Variants in CNTNAP2 observed in about 807,000 individuals in gnomAD.
The protein encoded by CNTNAP2 is contactin-associated protein-like 2.
In CNTNAP2, 98 loss-of-function variants were observed where a neutral mutation model predicts 155.2. The ratio of observed to expected loss-of-function variants is 0.63; its 90% CI spans 0.54 to 0.75. The LOEUF is 0.75. Ranked by LOEUF, CNTNAP2 falls within the 30% of genes least tolerant of loss-of-function variation. The pLI, the probability that CNTNAP2 is intolerant of heterozygous loss-of-function variation, is 0.00. For missense variants in CNTNAP2, 1,727 were observed against 1,688.1 expected (o/e 1.02, Z -0.40); for synonymous variants, 651 against 631.2 (o/e 1.03, Z -0.47).
In CNTNAP2 at chr7:146,412,150, ATGTT is replaced by A. The variant is rs202111832; in HGVS notation, c.97+295181_97+295184del. 5.4e-3 allele frequency among the ~76,000 whole-genome samples: 827 copies of A among 152,100 alleles called. 8 individuals are homozygous for A. Among genetic ancestry groups the A allele is most frequent in the African/African-American group, 0.019 (770 of 41,508 alleles). On this transcript the variant is annotated intron_variant, in intron 1 of 23. Transcript: ENST00000361727. Reference sequence around the variant, plus strand: ...GCCCGGCCAACATTGTTATTTTGAAATGTTTGTATGAGAATAGAACAAAGCAGCC... The same window carrying A: ...GCCCGGCCAACATTGTTATTTTGAAATGTATGAGAATAGAACAAAGCAGCC...
rs71188974 is a variant in CNTNAP2, at chr7:148,351,744, C to CAAAAAAAAAAAAAAAAAAAAAAAA, written c.3476-31889_3476-31888insAAAAAAAAAAAAAAAAAAAAAAAA. ...GGCAACAGAGTGAGACTCTGTCTCACAAAAAAAAAAAAAAAATAGAAACCG... is the reference window on the plus strand; with the variant it reads ...GGCAACAGAGTGAGACTCTGTCTCACAAAAAAAAAAAAAAAAAAAAAAAAAAAAAAAAAAAAAAAATAGAAACCG... On this transcript the variant is annotated intron_variant, in intron 21 of 23. Coordinates refer to ENST00000361727, the MANE Select transcript of CNTNAP2 (RefSeq NM_014141.6). 5.3e-4 allele frequency among the ~76,000 whole-genome samples: 45 copies of CAAAAAAAAAAAAAAAAAAAAAAAA among 85,370 alleles called. 1 individual carries two copies. The highest frequency in any genetic ancestry group is 7.7e-4 in the African/African-American group (15 of 19,498). 56.0% of individuals were successfully genotyped at this position (85,370 alleles called of 152,430 possible).
chr7:146,528,407 A>G (rs761497356), intron 1 of CNTNAP2, among the ~76,000 whole-genome samples: 5 of 152,210 alleles, frequency 3.3e-5, no homozygotes, highest in Non-Finnish European at 7.4e-5. Context: ...GTTAAATGAA[A>G]TAAGACGTGA....
intron 1 of CNTNAP2, among the ~76,000 whole-genome samples, chr7:146,159,256 G>A (rs2116794224): frequency 6.6e-6 from 1 of 152,278 alleles, no homozygotes; most frequent in Non-Finnish European, 1.5e-5. Context: ...AACATGGAAA[G>A]GAACAACCAG....
chr7:146,551,989 GA>G (rs907657374), intron 1 of CNTNAP2, among the ~76,000 whole-genome samples: 1 of 151,766 alleles, frequency 6.6e-6, no homozygotes, highest in African/African-American at 2.4e-5. Flanking sequence ...CTGACATAAT[GA>G]AAAAAATATA....
At chr7:148,221,443 G>A (rs117758235) in intron 19 of CNTNAP2, among the ~76,000 whole-genome samples, 6,259 of 152,204 alleles carry the variant, frequency 0.041, 189 homozygotes, top group Non-Finnish European at 0.06. Context: ...TCCAGGGCAG[G>A]CATCTCTGGA....
chr7:147,089,611 T>C (rs956160747), intron 4 of CNTNAP2, among the ~76,000 whole-genome samples: 1 of 152,212 alleles, frequency 6.6e-6, no homozygotes, highest in African/African-American at 2.4e-5. Context: ...AAGTCTTTGT[T>C]ATAAATCTAG....
chr7:146,772,903 T>C (rs1223490022), intron 1 of CNTNAP2, among the ~76,000 whole-genome samples: 1 of 152,138 alleles, frequency 6.6e-6, no homozygotes. Context: ...AAGTGTTTCT[T>C]CAGCTGCTGC....
At chr7:147,466,876 G>A (rs749328990) in intron 10 of CNTNAP2, among the ~76,000 whole-genome samples, 3 of 152,266 alleles carry the variant, frequency 2.0e-5, no homozygotes, top group Middle Eastern at 3.4e-3. Flanking sequence ...CCAAGATCAT[G>A]CCATTGCTCT....
intron 13 of CNTNAP2, among the ~76,000 whole-genome samples, chr7:147,858,187 A>C (rs1799073220): frequency 6.6e-6 from 1 of 152,172 alleles, no homozygotes; most frequent in Non-Finnish European, 1.5e-5. Flanking sequence ...TCCTGGGTGC[A>C]AGCAATTCTC....
intron 21 of CNTNAP2, among the ~76,000 whole-genome samples, chr7:148,308,558 T>TTAG (rs1563035437): frequency 7.2e-5 from 1 of 13,950 alleles, no homozygotes; most frequent in African/African-American, 1.7e-4. Flanking sequence ...TATGTATTTA[T>TTAG]TTATTTATTT....
chr7:147,426,981 G>A (rs1797387114), intron 10 of CNTNAP2, among the ~76,000 whole-genome samples: 1 of 152,086 alleles, frequency 6.6e-6, no homozygotes, highest in East Asian at 1.9e-4. Context: ...CACAGACTAG[G>A]TAATTTATAA....
chr7:147,587,858 G>A (rs1186271690), intron 12 of CNTNAP2, among the ~76,000 whole-genome samples: 1 of 152,118 alleles, frequency 6.6e-6, no homozygotes, highest in Non-Finnish European at 1.5e-5. Flanking sequence ...ATTGTTAGGG[G>A]AGAAAATTGC....
At chr7:147,683,572 C>A (rs1795977605) in intron 13 of CNTNAP2, among the ~76,000 whole-genome samples, 1 of 151,714 alleles carries the variant, frequency 6.6e-6, no homozygotes, top group African/African-American at 2.4e-5. Context: ...ACAACAATTA[C>A]CTTGTCCATA....
chr7:148,339,517 G>A (rs935290025), intron 21 of CNTNAP2: 1 of 152,174 alleles, frequency 6.6e-6, no homozygotes, highest in African/African-American at 2.4e-5. Flanking sequence ...GCCGGGACTC[G>A]GGCTGCCGGC....
At chr7:148,262,993 C>T (rs1796590821) in intron 20 of CNTNAP2, 2 of 152,280 alleles carry the variant, frequency 1.3e-5, no homozygotes, top group South Asian at 2.1e-4. Flanking sequence ...TTTAACCCAC[C>T]TTCCCCACAA....
At chr7:147,808,173 T>C (rs1242060967) in intron 13 of CNTNAP2, among the ~76,000 whole-genome samples, 2 of 152,148 alleles carry the variant, frequency 1.3e-5, no homozygotes, top group Non-Finnish European at 2.9e-5. Flanking sequence ...ATATGGCCTC[T>C]TTCTGTAGGA....
chr7:148,338,536 C>T (rs1798162517), intron 21 of CNTNAP2, among the ~76,000 whole-genome samples: 1 of 151,296 alleles, frequency 6.6e-6, no homozygotes, highest in African/African-American at 2.4e-5. Flanking sequence ...CTTATATTGC[C>T]CAGTAATTGG....
intron 11 of CNTNAP2, among the ~76,000 whole-genome samples, chr7:147,504,030 C>T (rs1189789121): frequency 6.6e-6 from 1 of 152,164 alleles, no homozygotes; most frequent in Non-Finnish European, 1.5e-5. Context: ...GGCAGAGCCA[C>T]AATTTCAAAC....
chr7:148,174,989 T>C (rs560126370), intron 18 of CNTNAP2, among the ~76,000 whole-genome samples: 1 of 152,266 alleles, frequency 6.6e-6, no homozygotes, highest in East Asian at 1.9e-4. Context: ...CTACCAATTA[T>C]GAGTGAGAAC....
Sources: allele counts gnomAD v4.1 joint callset (sites outside exome capture counted in the v4.1 genomes callset), GRCh38; gene constraint gnomAD v4.1.1; transcripts MANE v1.5; gene names NCBI Gene and HGNC (gene_info 2026-07-23, HGNC 2026-07-21).